Variants in CSMD3 observed in about 807,000 individuals in gnomAD.
The protein encoded by CSMD3 is CUB and sushi domain-containing protein 3.
A neutral mutation model predicts 435.2 loss-of-function variants in CSMD3; 177 were observed. The observed-to-expected ratio is 0.41, with a 90% CI of 0.36 to 0.46. CSMD3 has a LOEUF of 0.46. CSMD3 is among the 20% of genes least tolerant of loss of function. CSMD3 has a pLI of 0.34. For synonymous variants in CSMD3, 1,656 were observed against 1,520.5 expected (o/e 1.09, Z -2.07); for missense variants, 4,265 against 4,504.6 (o/e 0.95, Z 1.52).
chr8:113,142,547 T>C (rs1265565679), intron 4 of CSMD3, among the ~76,000 whole-genome samples: 1 of 151,104 alleles, frequency 6.6e-6, no homozygotes, highest in Non-Finnish European at 1.5e-5. Flanking sequence ...CAAATGGTGC[T>C]AGAGCAACTG....
chr8:113,301,758 T>C (rs1244847308), intron 2 of CSMD3, among the ~76,000 whole-genome samples: 1 of 152,050 alleles, frequency 6.6e-6, no homozygotes, highest in Non-Finnish European at 1.5e-5. Flanking sequence ...TTAATTATTT[T>C]TCTGTATGGG....
At chr8:113,028,237 GTCACAAAC>G (rs2086951357) in intron 5 of CSMD3, among the ~76,000 whole-genome samples, 1 of 151,932 alleles carries the variant, frequency 6.6e-6, no homozygotes, top group African/African-American at 2.4e-5. Flanking sequence ...GCTTTTGGGT[GTCACAAAC>G]TGTGCCCATG....
At chr8:112,445,450 G>A (rs188820507) in intron 32 of CSMD3, among the ~76,000 whole-genome samples, 2 of 152,060 alleles carry the variant, frequency 1.3e-5, no homozygotes, top group Non-Finnish European at 2.9e-5. Context: ...CAATCATGAC[G>A]GAGGGCAAAG....
chr8:113,401,803 T>C (rs986081472), intron 1 of CSMD3, among the ~76,000 whole-genome samples: 5 of 151,642 alleles, frequency 3.3e-5, no homozygotes, highest in African/African-American at 1.2e-4. Flanking sequence ...ACCTTTTCTA[T>C]GTATAAATAT....
At chr8:113,164,026 A>G (rs1471209023) in intron 4 of CSMD3, among the ~76,000 whole-genome samples, 1 of 152,050 alleles carries the variant, frequency 6.6e-6, no homozygotes, top group Non-Finnish European at 1.5e-5. Context: ...GGTTTTCATC[A>G]GAAATTATTT....
chr8:112,717,372 T>C (rs7833580), intron 13 of CSMD3, among the ~76,000 whole-genome samples: 50,581 of 151,994 alleles, frequency 0.33, 9,288 homozygotes, highest in African/African-American at 0.5. Context: ...AATGAGATAC[T>C]ATCTCTTGCC....
chr8:112,255,614 TATA>T, intron 61 of CSMD3, 187 bp from the exon 62 acceptor site: 1 of 585,586 alleles, frequency 1.7e-6, no homozygotes, highest in Non-Finnish European at 3.0e-6. Context: ...GAAAACTCAG[TATA>T]ATATTTAAAA....
At chr8:112,265,674 T>C in intron 59 of CSMD3, 84 bp from the exon 60 acceptor site, 2 of 937,506 alleles carry the variant, frequency 2.1e-6, no homozygotes, top group Non-Finnish European at 3.5e-6. Context: ...GCATACTTAA[T>C]ATATAAGCAG....
intron 3 of CSMD3, among the ~76,000 whole-genome samples, chr8:113,269,918 C>T (rs1339742771): frequency 2.6e-5 from 4 of 151,666 alleles, no homozygotes; most frequent in Non-Finnish European, 5.9e-5. Flanking sequence ...GACTTCATGT[C>T]TAAAACACCA....
intron 58 of CSMD3, among the ~76,000 whole-genome samples, chr8:112,286,731 C>A (rs771405444): frequency 2.0e-5 from 3 of 151,896 alleles, no homozygotes; most frequent in Admixed American, 1.3e-4. Context: ...CACTAAAAGT[C>A]TTGGAATGTA....
At chr8:112,810,749 ATTAC>A (rs1185799730) in intron 12 of CSMD3, among the ~76,000 whole-genome samples, 2 of 152,112 alleles carry the variant, frequency 1.3e-5, no homozygotes, top group African/African-American at 4.8e-5. Context: ...TAAATGTAAT[ATTAC>A]TTACGTGATT....
intron 5 of CSMD3, among the ~76,000 whole-genome samples, chr8:113,069,252 T>C (rs866468900): frequency 6.6e-6 from 1 of 152,208 alleles, no homozygotes; most frequent in South Asian, 2.1e-4. Context: ...GCCCACTCCA[T>C]TCTATAGAAA....
chr8:112,390,648 A>T lies in CSMD3; in HGVS notation c.5934+16T>A, dbSNP rs1830331962. Reference sequence around the variant, plus strand: ...CACACATACAATGAAAAGAAGAAAAACTTAAATATTCTTACTTGAATGCCA... The same window carrying T: ...CACACATACAATGAAAAGAAGAAAATCTTAAATATTCTTACTTGAATGCCA... On this transcript the variant is annotated intron_variant, in intron 36 of 70. Transcript: ENST00000297405. The T allele has an allele frequency of 6.2e-7, 1 of 1,604,692 alleles. No homozygotes were observed. The highest frequency in any genetic ancestry group is 1.1e-5 in the South Asian group (1 of 90,890).
At chr8:112,275,804 C>G (rs1045378656) in intron 59 of CSMD3, among the ~76,000 whole-genome samples, 2 of 152,106 alleles carry the variant, frequency 1.3e-5, no homozygotes, top group Non-Finnish European at 2.9e-5. Context: ...CACAAAATGT[C>G]GAAATTATGG....
At chr8:113,090,841 C>T in intron 5 of CSMD3, among the ~76,000 whole-genome samples, 1 of 152,138 alleles carries the variant, frequency 6.6e-6, no homozygotes, top group African/African-American at 2.4e-5. Context: ...ATTCCCACCC[C>T]CTTTTTCTCA....
At chr8:112,698,378 T>A (rs969121702) in intron 13 of CSMD3, among the ~76,000 whole-genome samples, 2 of 152,098 alleles carry the variant, frequency 1.3e-5, no homozygotes, top group African/African-American at 4.8e-5. Context: ...TACACATATA[T>A]GTGCACATAT....
At chr8:112,582,244 C>T (rs1159663638) in intron 23 of CSMD3, among the ~76,000 whole-genome samples, 3 of 151,968 alleles carry the variant, frequency 2.0e-5, no homozygotes, top group Non-Finnish European at 4.4e-5. Flanking sequence ...CGTAAAACAC[C>T]AGCTTCTCCC....
intron 50 of CSMD3, among the ~76,000 whole-genome samples, chr8:112,308,500 T>A (rs543605603): frequency 4.6e-5 from 7 of 152,136 alleles, no homozygotes; most frequent in African/African-American, 1.7e-4. Flanking sequence ...CTCCGCTAAT[T>A]TTTTTAAAAA....
chr8:112,730,635 G>C (rs1044823843), intron 13 of CSMD3, among the ~76,000 whole-genome samples: 1 of 151,980 alleles, frequency 6.6e-6, no homozygotes, highest in South Asian at 2.1e-4. Flanking sequence ...GGAAAACCCC[G>C]TTTTCTCAAC....
Sources: allele counts gnomAD v4.1 joint callset (sites outside exome capture counted in the v4.1 genomes callset), GRCh38; gene constraint gnomAD v4.1.1; transcripts MANE v1.5; gene names NCBI Gene and HGNC (gene_info 2026-07-23, HGNC 2026-07-21).